Variants in RAB31 observed in about 807,000 individuals in gnomAD.
RAB31 encodes the protein ras-related protein Rab-31.
A neutral mutation model predicts 25.6 loss-of-function variants in RAB31; 21 were observed. The ratio of observed to expected loss-of-function variants is 0.82; its 90% CI spans 0.58 to 1.18. RAB31 has a LOEUF of 1.18. Among genes scored for constraint, RAB31 ranks in the 50% most tolerant of loss-of-function variants. RAB31 has a pLI of 0.00. For synonymous variants in RAB31, 87 were observed against 84.0 expected, an observed-to-expected ratio of 1.04 and a Z score of -0.20; for missense variants, 196 against 250.1, an observed-to-expected ratio of 0.78 and a Z score of 1.46.
intron 1 of RAB31, among the ~76,000 whole-genome samples, chr18:9,722,053 G>A (rs1287478648): frequency 6.6e-6 from 1 of 152,134 alleles, no homozygotes; most frequent in Admixed American, 6.6e-5. Context: ...CAGCAGGCGA[G>A]CAGTGTGACT....
At chr18:9,836,132 T>A (rs1360481246) in intron 5 of RAB31, among the ~76,000 whole-genome samples, 1 of 152,112 alleles carries the variant, frequency 6.6e-6, no homozygotes, top group Non-Finnish European at 1.5e-5. Context: ...TCACCGCTGC[T>A]GTGCTGCTCG....
At chr18:9,718,717 A>G (rs1046623431) in intron 1 of RAB31, among the ~76,000 whole-genome samples, 5 of 152,204 alleles carry the variant, frequency 3.3e-5, no homozygotes, top group African/African-American at 1.2e-4. Context: ...AAAGTCCACC[A>G]TCAGGGTGCC....
At chr18:9,736,925 G>C (rs990520283) in intron 1 of RAB31, among the ~76,000 whole-genome samples, 4 of 152,024 alleles carry the variant, frequency 2.6e-5, no homozygotes, top group African/African-American at 4.8e-5. Context: ...GGGTGGTAGG[G>C]GCAAGGACTC....
intron 1 of RAB31, among the ~76,000 whole-genome samples, chr18:9,741,903 G>C (rs1456499770): frequency 2.6e-5 from 4 of 152,194 alleles, no homozygotes; most frequent in South Asian, 2.1e-4. Flanking sequence ...GGTGTGGCAG[G>C]GTCCCCAGGG....
At chr18:9,785,798 C>T (rs983735657) in intron 2 of RAB31, among the ~76,000 whole-genome samples, 2 of 150,102 alleles carry the variant, frequency 1.3e-5, no homozygotes, top group Non-Finnish European at 3.0e-5. Flanking sequence ...CAGTGGCTCA[C>T]GCCTGTAATC....
chr18:9,722,432 A>G (rs2068077783), intron 1 of RAB31, among the ~76,000 whole-genome samples: 1 of 152,178 alleles, frequency 6.6e-6, no homozygotes, highest in Non-Finnish European at 1.5e-5. Flanking sequence ...GAATTAAACC[A>G]TGACATGGTG....
intron 1 of RAB31, among the ~76,000 whole-genome samples, chr18:9,746,622 T>C (rs1332456511): frequency 6.6e-6 from 1 of 152,228 alleles, no homozygotes; most frequent in Non-Finnish European, 1.5e-5. Flanking sequence ...CATACATTTA[T>C]GGTGACTGAT....
chr18:9,858,121 G>A (rs1251943384), intron 6 of RAB31, among the ~76,000 whole-genome samples: 1 of 152,190 alleles, frequency 6.6e-6, no homozygotes, highest in South Asian at 2.1e-4. Context: ...ATGTGGTTCA[G>A]TGGGAAGAGC....
chr18:9,791,453 A>G (rs2068459411), intron 2 of RAB31, among the ~76,000 whole-genome samples: 1 of 124,452 alleles, frequency 8.0e-6, no homozygotes, highest in Non-Finnish European at 1.6e-5. Context: ...GCTAGAGTGC[A>G]GTGGTGCGAT....
intron 2 of RAB31, among the ~76,000 whole-genome samples, chr18:9,789,682 T>G (rs1380348808): frequency 1.3e-5 from 2 of 152,228 alleles, no homozygotes; most frequent in Non-Finnish European, 2.9e-5. Context: ...TGAATTTTTT[T>G]TATGAAATAC....
In RAB31 at chr18:9,775,268, T is replaced by C. The variant is rs371598177; in HGVS notation, c.40-10T>C. The C allele has an allele frequency of 1.2e-6, 2 of 1,613,682 alleles. No homozygotes were observed. The highest frequency in any genetic ancestry group is 2.7e-5 in the African/African-American group (2 of 74,914). On this transcript the variant is annotated splice_polypyrimidine_tract_variant and intron_variant, in intron 1 of 6. Transcript: ENST00000578921. ...TTCATCTTCACGGTTGTATCCTCAT[T>C]CTTTCCTAGGACACTGGGGTTGGGA...
chr18:9,809,486 C>A (rs539668171), intron 3 of RAB31, among the ~76,000 whole-genome samples: 1 of 151,698 alleles, frequency 6.6e-6, no homozygotes, highest in South Asian at 2.1e-4. Flanking sequence ...CTTTGTAAAC[C>A]TCCAGGGAAG....
At position 9,859,366 on chromosome 18, in the gene RAB31, C is replaced by G. The variant is rs758200705; in HGVS notation, c.*41C>G. 1.6e-5 allele frequency: 24 copies of G among 1,542,956 alleles called. No homozygotes were observed. Among genetic ancestry groups the G allele is most frequent in the Non-Finnish European group, 2.1e-5 (23 of 1,116,350 alleles). On this transcript the variant is annotated 3_prime_UTR_variant, in exon 7 of 7. Coordinates refer to ENST00000578921, the MANE Select transcript of RAB31 (RefSeq NM_006868.4). ...CCACGGTACTTGAAGAAGCCAGAGCCCACATCCTGTGCACTGCTGAAGGAC... is the reference window on the plus strand; with the variant it reads ...CCACGGTACTTGAAGAAGCCAGAGCGCACATCCTGTGCACTGCTGAAGGAC...
chr18:9,725,643 C>G (rs1358164671), intron 1 of RAB31, among the ~76,000 whole-genome samples: 1 of 152,154 alleles, frequency 6.6e-6, no homozygotes, highest in African/African-American at 2.4e-5. Flanking sequence ...ATAGAATGGA[C>G]TTTTTAAAAA....
At chr18:9,762,675 G>A (rs1188944055) in intron 1 of RAB31, among the ~76,000 whole-genome samples, 1 of 152,104 alleles carries the variant, frequency 6.6e-6, no homozygotes, top group Non-Finnish European at 1.5e-5. Flanking sequence ...AGAAGCTGTG[G>A]GGCTATTATA....
At chr18:9,808,284 A>T (rs760537157) in intron 3 of RAB31, among the ~76,000 whole-genome samples, 21 of 152,236 alleles carry the variant, frequency 1.4e-4, no homozygotes, top group Admixed American at 2.0e-4. Context: ...ATGATATAAT[A>T]GAAAGGTTTT....
chr18:9,781,242 G>A (rs1283341781), intron 2 of RAB31, among the ~76,000 whole-genome samples: 2 of 151,864 alleles, frequency 1.3e-5, no homozygotes, highest in East Asian at 3.9e-4. Flanking sequence ...TCAAATGTTC[G>A]CATTTTCTCG....
Position 9,804,665 on chromosome 18 carries a change from A to G in RAB31, c.202-9355A>G, listed in dbSNP as rs192021249. ...GAGTGTCACTCTTGAATAGGAAATT[A>G]GCAAATAGACTTTGTTTGGTAACAG... On this transcript the variant is annotated intron_variant, in intron 3 of 6. Transcript: ENST00000578921. Among the ~76,000 whole-genome samples, 98 of 152,302 alleles carry G rather than the reference A, an allele frequency of 6.4e-4. 1 individual carries two copies. Among genetic ancestry groups the G allele is most frequent in the Admixed American group, 6.4e-3 (98 of 15,298 alleles).
intron 1 of RAB31, among the ~76,000 whole-genome samples, chr18:9,714,566 G>T (rs556378104): frequency 1.3e-5 from 2 of 152,344 alleles, no homozygotes; most frequent in South Asian, 2.1e-4. Context: ...AATTGGAAAA[G>T]ACCTTTAAAA....
Sources: allele counts gnomAD v4.1 joint callset (sites outside exome capture counted in the v4.1 genomes callset), GRCh38; gene constraint gnomAD v4.1.1; transcripts MANE v1.5; gene names NCBI Gene and HGNC (gene_info 2026-07-23, HGNC 2026-07-21).